The following BEND2 variants were observed in gnomAD, a reference collection of about 807,000 sequenced individuals.
BEND2 encodes the protein BEN domain-containing protein 2.
A neutral mutation model predicts 43.8 loss-of-function variants in BEND2; 19 were observed. That is an observed-to-expected ratio of 0.43 (90% CI 0.30 to 0.64). BEND2 has a LOEUF of 0.64. BEND2 is among the 30% of genes least tolerant of loss of function. BEND2 has a pLI of 0.11. For synonymous variants in BEND2, 226 were observed against 210.1 expected (o/e 1.08, Z -0.66); for missense variants, 544 against 574.0 (o/e 0.95, Z 0.53).
rs1009699979 is a variant in BEND2, at chrX:18,191,386, G to A, written c.1181-278C>T. On this transcript the variant is annotated intron_variant, in intron 7 of 13. Coordinates refer to ENST00000380033, the MANE Select transcript of BEND2 (RefSeq NM_153346.5). ...CAACAGAAAGAGCAGAAATATGGGCGTGGAGAAACTAGGTCACTCACATGT... is the reference window on the plus strand; with the variant it reads ...CAACAGAAAGAGCAGAAATATGGGCATGGAGAAACTAGGTCACTCACATGT... 1.2e-4 allele frequency among the ~76,000 whole-genome samples: 13 copies of A among 111,831 alleles called. No homozygotes were observed. The Admixed American group carries it at 1.2e-3, about 11-fold the overall frequency.
chrX:18,170,602 C>T (rs1923943201), intron 13 of BEND2, among the ~76,000 whole-genome samples: 1 of 112,537 alleles, frequency 8.9e-6, no homozygotes, highest in Non-Finnish European at 1.9e-5. Flanking sequence ...CTATATTAGG[C>T]TAACGTGCAC....
In BEND2 at chrX:18,167,206, G is replaced by A. The variant is rs774589340; in HGVS notation, c.2186-1983C>T. Among the ~76,000 whole-genome samples the A allele has an allele frequency of 6.4e-5, 7 of 108,994 alleles. No individual in the cohort carries two copies. The East Asian group carries it at 1.8e-3, about 28-fold the overall frequency. The allele number at this position is 108,994 out of a possible 115,157, so 94.6% of individuals were successfully genotyped here. A position where few individuals can be genotyped will look rare whatever the true frequency, so the allele number is the denominator to read the frequency against. ...TGAGGTGGGAGGATCATTTGAGCTC[G>A]GGAGATCAAGGCTGCATTGAGCTGT... is the stretch of plus-strand genomic sequence containing the variant. On this transcript the variant is annotated intron_variant, in intron 13 of 13. Coordinates refer to ENST00000380033, the MANE Select transcript of BEND2 (RefSeq NM_153346.5).
chrX:18,183,042 C>CAAA (rs56812732), intron 8 of BEND2, among the ~76,000 whole-genome samples: 17 of 40,767 alleles, frequency 4.2e-4, no homozygotes, highest in East Asian at 8.8e-4. Flanking sequence ...ACTCTGTCTC[C>CAAA]AAAAAAAAAA....
chrX:18,176,445 G>A (rs1034509014), intron 10 of BEND2, among the ~76,000 whole-genome samples: 8 of 108,064 alleles, frequency 7.4e-5, no homozygotes, highest in African/African-American at 2.7e-4. Flanking sequence ...TTGGGAGGTC[G>A]AGGCAGGAGG....
In BEND2 at chrX:18,201,902, T is replaced by C; in HGVS notation, c.946A>G (p.Thr316Ala). The change falls in exon 6 of 14, where the codon ACT becomes GCT. Residue 316 changes from threonine (T) to alanine (A), a missense_variant. Around this residue, in one of 2 missense-constraint regions of BEND2, gnomAD observed 501 missense variants for 501.6 expected, o/e 1.00. Coordinates refer to ENST00000380033, the MANE Select transcript of BEND2 (RefSeq NM_153346.5). ...AAAGTTGGATAATTCGCTGTCTCAG[T>C]GCTGTTTTTACTGCTGTTTGCTGGT... is the stretch of plus-strand genomic sequence containing the variant. ...ERPANSSKNS[T>A]ETANYPTLMG... 1 of 1,210,107 alleles carries C rather than the reference T, an allele frequency of 8.3e-7. No individual in the cohort carries two copies. Among genetic ancestry groups the C allele is most frequent in the Non-Finnish European group, 1.1e-6 (1 of 894,985 alleles).
chrX:18,183,797 A>G (rs1278751816), intron 8 of BEND2, among the ~76,000 whole-genome samples: 10 of 111,428 alleles, frequency 9.0e-5, no homozygotes, highest in Non-Finnish European at 1.9e-4. Context: ...AACGGGAGGG[A>G]AGAGTGGGAA....
At chrX:18,169,276 G>A (rs1443488765) in intron 13 of BEND2, among the ~76,000 whole-genome samples, 1 of 111,885 alleles carries the variant, frequency 8.9e-6, no homozygotes, top group Non-Finnish European at 1.9e-5. Flanking sequence ...CCAGGACTGT[G>A]ATTACTTCTG....
chrX:18,173,937 G>A, intron 12 of BEND2, 93 bp downstream of exon 12: 1 of 752,923 alleles, frequency 1.3e-6, no homozygotes, highest in Non-Finnish European at 1.9e-6. Flanking sequence ...AAAGTAGAGA[G>A]AATAGTACAA....
intron 10 of BEND2, 129 bp from the exon 11 acceptor site, chrX:18,176,222 T>G (rs748719396): frequency 4.0e-6 from 2 of 502,811 alleles, no homozygotes; most frequent in East Asian, 4.3e-5. Context: ...GGTGACTTCT[T>G]CTCTTTCTAC....
intron 4 of BEND2, among the ~76,000 whole-genome samples, chrX:18,204,714 C>G (rs962226166): frequency 9.0e-6 from 1 of 111,314 alleles, no homozygotes; most frequent in Admixed American, 9.6e-5. Context: ...CCCCAACATC[C>G]CCTCTGCTGC....
intron 8 of BEND2, among the ~76,000 whole-genome samples, chrX:18,190,118 G>A (rs1192402361): frequency 2.7e-5 from 3 of 110,626 alleles, no homozygotes; most frequent in Non-Finnish European, 5.7e-5. Context: ...CTCATACACT[G>A]CTGATGGGAA....
intron 5 of BEND2, among the ~76,000 whole-genome samples, chrX:18,202,969 C>A (rs1925213822): frequency 9.0e-6 from 1 of 111,690 alleles, no homozygotes; most frequent in Admixed American, 9.6e-5. Context: ...CTGAAACACA[C>A]AACTTGGTTG....
chrX:18,215,763 C>G (rs187287162), intron 2 of BEND2, among the ~76,000 whole-genome samples: 1 of 112,244 alleles, frequency 8.9e-6, no homozygotes, highest in Admixed American at 9.5e-5. Context: ...TTGCCAGTCT[C>G]CAACATAGGC....
At chrX:18,179,887 G>C (rs192020156) in intron 9 of BEND2, among the ~76,000 whole-genome samples, 42 of 112,436 alleles carry the variant, frequency 3.7e-4, no homozygotes, top group African/African-American at 1.1e-3. Flanking sequence ...TAAGAAACAT[G>C]AGCTTTAGGC....
At chrX:18,176,126 G>T (rs1924141207) in intron 10 of BEND2, 33 bp from the exon 11 acceptor site, 1 of 1,150,088 alleles carries the variant, frequency 8.7e-7, no homozygotes, top group Non-Finnish European at 1.2e-6. Context: ...ACGAAAATTA[G>T]AAAAAAAAAT....
Position 18,164,941 on chromosome X carries a change from T to C in BEND2, c.*68A>G. The C allele has an allele frequency of 9.1e-7, 1 of 1,096,510 alleles. No individual in the cohort carries two copies. Among genetic ancestry groups the C allele is most frequent in the Non-Finnish European group, 1.2e-6 (1 of 821,768 alleles). The allele number at this position is 1,096,510 out of a possible 1,213,427, so 90.4% of individuals were successfully genotyped here. ...CAGTACAGCAGGCTGATTTTGGAAT[T>C]AGAACTTGAGAAACTTACAAAATAG... On this transcript the variant is annotated 3_prime_UTR_variant, in exon 14 of 14. Transcript: ENST00000380033.
At chrX:18,201,396 C>CAAAAAAAAAAAAA (rs1227049211) in intron 6 of BEND2, among the ~76,000 whole-genome samples, 30 of 20,623 alleles carry the variant, frequency 1.5e-3, no homozygotes, top group East Asian at 4.7e-3. Flanking sequence ...AACTCCATCT[C>CAAAAAAAAAAAAA]AAAAAAAAAA....
chrX:18,193,658 T>G (rs777010956), intron 7 of BEND2, among the ~76,000 whole-genome samples: 14 of 111,782 alleles, frequency 1.3e-4, no homozygotes, highest in Non-Finnish European at 2.6e-4. Flanking sequence ...ACCACAAAAT[T>G]AAAAGTTTAG....
intron 12 of BEND2, 68 bp downstream of exon 12, chrX:18,173,962 G>A: frequency 1.1e-6 from 1 of 925,312 alleles, no homozygotes; most frequent in African/African-American, 2.0e-5. Flanking sequence ...CCCCATAAAT[G>A]CATCACTCAG....
Sources: gnomAD v4.1 joint callset for allele counts (sites outside exome capture counted in the v4.1 genomes callset) on GRCh38, gnomAD v4.1.1 for gene constraint, gnomAD v4.1.1 regional missense constraint, MANE v1.5 for transcripts, NCBI Gene and HGNC (gene_info 2026-07-23, HGNC 2026-07-21) for gene names.